Variants in NCK2 observed in about 807,000 individuals in gnomAD.
NCK2 encodes the protein cytoplasmic protein NCK2.
In NCK2, 16 loss-of-function variants were observed where a neutral mutation model predicts 33.9. The ratio of observed to expected loss-of-function variants is 0.47; its 90% CI spans 0.32 to 0.72. The LOEUF (loss-of-function observed/expected upper bound fraction) is 0.72, where lower values mean the gene tolerates loss of function less well. Ranked by LOEUF, NCK2 falls within the 30% of genes least tolerant of loss-of-function variation. The pLI is 0.03. For missense variants in NCK2, 418 were observed against 537.3 expected, an observed-to-expected ratio of 0.78 and a Z score of 2.19; for synonymous variants, 273 against 239.9, an observed-to-expected ratio of 1.14 and a Z score of -1.27.
At chr2:105,880,061 C>T (rs773362930) in intron 3 of NCK2, among the ~76,000 whole-genome samples, 3 of 152,130 alleles carry the variant, frequency 2.0e-5, no homozygotes, top group South Asian at 2.1e-4. Context: ...TAGAATGTTC[C>T]GGAATTCCGT....
intron 4 of NCK2, among the ~76,000 whole-genome samples, chr2:105,891,741 T>C (rs1330891081): frequency 6.6e-6 from 1 of 151,912 alleles, no homozygotes; most frequent in African/African-American, 2.4e-5. Flanking sequence ...GAGATGAGGT[T>C]TCACCATGTT....
At chr2:105,809,666 C>T (rs1022763922) in intron 1 of NCK2, among the ~76,000 whole-genome samples, 6 of 152,132 alleles carry the variant, frequency 3.9e-5, no homozygotes, top group African/African-American at 1.2e-4. Context: ...ACAATTTAGC[C>T]CATAGCAGAT....
upstream of NCK2, chr2:105,744,890 C>CGCCGCCGCT (rs1553448953): frequency 1.4e-4 from 22 of 160,780 alleles, no homozygotes; most frequent in South Asian, 1.7e-3. Context: ...CCGCCGCCGC[C>CGCCGCCGCT]GCCGCTGCCG....
chr2:105,862,149 G>A (rs1194181379), intron 3 of NCK2, among the ~76,000 whole-genome samples: 3 of 152,112 alleles, frequency 2.0e-5, no homozygotes, highest in Admixed American at 6.5e-5. Flanking sequence ...TTTACCAGGC[G>A]GCTTAACACT....
chr2:105,762,097 C>T lies in NCK2; in HGVS notation c.-201+16959C>T, dbSNP rs141466827. On this transcript the variant is annotated intron_variant, in intron 1 of 4. Coordinates refer to ENST00000233154, the MANE Select transcript of NCK2 (RefSeq NM_003581.5). ...CACTTGACCTGAAAACAAGGACTTT[C>T]GCTTTGCTAGAAAATTAAGGACAGA... Among the ~76,000 whole-genome samples, 270 of 152,286 alleles carry T rather than the reference C, an allele frequency of 1.8e-3. 1 individual carries two copies. The highest frequency in any genetic ancestry group is 6.2e-3 in the African/African-American group (257 of 41,562).
intron 3 of NCK2, chr2:105,857,103 G>A (rs905683705): frequency 3.3e-5 from 5 of 149,898 alleles, no homozygotes; most frequent in African/African-American, 1.2e-4. Flanking sequence ...GTAGGAAGTA[G>A]AACAAGGCAA....
chr2:105,807,496 A>C (rs1383724415), intron 1 of NCK2, among the ~76,000 whole-genome samples: 1 of 152,154 alleles, frequency 6.6e-6, no homozygotes, highest in Non-Finnish European at 1.5e-5. Flanking sequence ...TAATTTGAGA[A>C]GTGTAAAAAT....
chr2:105,844,950 T>C (rs1274746617), intron 2 of NCK2, among the ~76,000 whole-genome samples: 3 of 152,090 alleles, frequency 2.0e-5, no homozygotes, highest in African/African-American at 7.2e-5. Flanking sequence ...TTAGCATTTA[T>C]TGTTCCAAAC....
chr2:105,888,147 G>A (rs532679877), intron 4 of NCK2, among the ~76,000 whole-genome samples: 5 of 152,158 alleles, frequency 3.3e-5, no homozygotes, highest in East Asian at 3.9e-4. Flanking sequence ...TTGGTTTTCC[G>A]CCAACCTATT....
intron 2 of NCK2, chr2:105,846,693 T>G (rs1676866965): frequency 6.6e-6 from 1 of 152,168 alleles, no homozygotes; most frequent in Non-Finnish European, 1.5e-5. Context: ...GACAAGGATG[T>G]AGAGAACTTG....
At chr2:105,794,043 CG>C (rs1690986937) in intron 1 of NCK2, among the ~76,000 whole-genome samples, 1 of 138,718 alleles carries the variant, frequency 7.2e-6, no homozygotes, top group Non-Finnish European at 1.5e-5. Flanking sequence ...TTGTATCTTT[CG>C]ATTTTTTTTT....
chr2:105,832,704 A>AT (rs67864986), intron 2 of NCK2, among the ~76,000 whole-genome samples: 46,140 of 144,200 alleles, frequency 0.32, 8,814 homozygotes, highest in African/African-American at 0.54. Flanking sequence ...CTTTGCCAGT[A>AT]TTTTTTTTTT....
rs1325605016 is a variant in NCK2 at position 105,848,064 on chromosome 2, C to T, written c.-16-6984C>T. Among the ~76,000 whole-genome samples, 4 of 152,292 alleles carry T rather than the reference C, an allele frequency of 2.6e-5. No homozygotes were observed. The East Asian group carries it at 5.8e-4, about 22-fold the overall frequency. On this transcript the variant is annotated intron_variant, in intron 2 of 4. Transcript: ENST00000233154. ...TATTGCACATACGTTTTTGAGTCCC[C>T]GTGAACCTTATGTTCAAGCCATTGA...
chr2:105,794,032 A>G (rs886860800), intron 1 of NCK2, among the ~76,000 whole-genome samples: 1 of 148,228 alleles, frequency 6.7e-6, no homozygotes, highest in Non-Finnish European at 1.5e-5. Flanking sequence ...ATTCTAAAAT[A>G]TTGTATCTTT....
chr2:105,886,986 A>G (rs1184770820), intron 4 of NCK2, among the ~76,000 whole-genome samples: 4 of 152,224 alleles, frequency 2.6e-5, no homozygotes, highest in Non-Finnish European at 1.5e-5. Flanking sequence ...TAAATATTTT[A>G]TAGAGTGAAC....
chr2:105,859,371 C>T (rs551198823), intron 3 of NCK2, among the ~76,000 whole-genome samples: 3 of 152,248 alleles, frequency 2.0e-5, no homozygotes, highest in East Asian at 3.9e-4. Flanking sequence ...CCCACCTGCC[C>T]GTGGCTCACC....
At chr2:105,786,013 T>G (rs1039980420) in intron 1 of NCK2, among the ~76,000 whole-genome samples, 2 of 152,238 alleles carry the variant, frequency 1.3e-5, no homozygotes, top group Non-Finnish European at 2.9e-5. Flanking sequence ...GTCCACTCTT[T>G]GCCCATCTGT....
intron 1 of NCK2, among the ~76,000 whole-genome samples, chr2:105,793,684 G>A (rs913087815): frequency 3.2e-4 from 49 of 152,358 alleles, no homozygotes; most frequent in African/African-American, 1.1e-3. Context: ...CACTGCAGTT[G>A]ACACCCTCAT....
At chr2:105,820,625 A>G (rs1675689972) in intron 2 of NCK2, among the ~76,000 whole-genome samples, 1 of 152,228 alleles carries the variant, frequency 6.6e-6, no homozygotes. Context: ...GAAGGCCACC[A>G]GAGTTGTCAT....
Sources: gnomAD v4.1 joint callset for allele counts (sites outside exome capture counted in the v4.1 genomes callset) on GRCh38, gnomAD v4.1.1 for gene constraint, MANE v1.5 for transcripts, NCBI Gene and HGNC (gene_info 2026-07-23, HGNC 2026-07-21) for gene names.